Variants in TYR observed in about 807,000 individuals in gnomAD.
The protein encoded by TYR is LB24-AB.
In TYR, 58 loss-of-function variants were observed where a neutral mutation model predicts 51.5. That is an observed-to-expected ratio of 1.13 (90% CI 0.91 to 1.40). The LOEUF (loss-of-function observed/expected upper bound fraction) is 1.40. Ranked by LOEUF, TYR falls within the 40% of genes most tolerant of loss-of-function variation. The pLI, the probability that TYR is intolerant of heterozygous loss-of-function variation, is 0.00. For synonymous variants in TYR, 263 were observed against 235.2 expected, an observed-to-expected ratio of 1.12 and a Z score of -1.08; for missense variants, 732 against 647.4, an observed-to-expected ratio of 1.13 and a Z score of -1.42.
chr11:89,262,570 A>T (rs181939230), intron 3 of TYR, among the ~76,000 whole-genome samples: 304 of 151,300 alleles, frequency 2.0e-3, no homozygotes, highest in African/African-American at 6.9e-3. Flanking sequence ...CTTTGAAAAG[A>T]TCAACAAAAA....
At chr11:89,275,277 C>T (rs1267383657) in intron 3 of TYR, among the ~76,000 whole-genome samples, 1 of 151,862 alleles carries the variant, frequency 6.6e-6, no homozygotes, top group African/African-American at 2.4e-5. Flanking sequence ...CTTTGAAAGG[C>T]CTGCTAATGC....
chr11:89,232,601 A>G (rs1385189285), intron 3 of TYR, among the ~76,000 whole-genome samples: 1 of 142,512 alleles, frequency 7.0e-6, no homozygotes, highest in Non-Finnish European at 1.5e-5. Flanking sequence ...TGTATAAGGT[A>G]TACTATGTTC....
At chr11:89,266,407 T>A (rs191033612) in intron 3 of TYR, among the ~76,000 whole-genome samples, 1 of 151,926 alleles carries the variant, frequency 6.6e-6, no homozygotes, top group Non-Finnish European at 1.5e-5. Flanking sequence ...ATTTTTTACT[T>A]TCTTTGCTTT....
intron 3 of TYR, among the ~76,000 whole-genome samples, chr11:89,241,145 C>T (rs536183981): frequency 7.9e-5 from 12 of 152,310 alleles, no homozygotes; most frequent in South Asian, 4.1e-4. Flanking sequence ...TCTGTAAATG[C>T]TCTTCAACTT....
At chr11:89,202,677 A>T (rs567150369) in intron 2 of TYR, among the ~76,000 whole-genome samples, 10 of 106,790 alleles carry the variant, frequency 9.4e-5, no homozygotes, top group African/African-American at 4.1e-4. Context: ...AGGAAACTTT[A>T]ATTTTAGTAA....
intron 3 of TYR, among the ~76,000 whole-genome samples, chr11:89,254,165 G>A (rs1944361852): frequency 2.0e-5 from 3 of 151,466 alleles, no homozygotes; most frequent in African/African-American, 4.8e-5. Context: ...CTGCATCCCT[G>A]GTATGAAACC....
intron 2 of TYR, among the ~76,000 whole-genome samples, chr11:89,198,518 G>T (rs1026864773): frequency 6.6e-6 from 1 of 151,850 alleles, no homozygotes; most frequent in Non-Finnish European, 1.5e-5. Context: ...TAACCACATT[G>T]GTATTCTGAT....
At chr11:89,235,682 G>C (rs1018116160) in intron 3 of TYR, among the ~76,000 whole-genome samples, 6 of 152,012 alleles carry the variant, frequency 3.9e-5, no homozygotes, top group Non-Finnish European at 8.8e-5. Flanking sequence ...GGAGTGGAAG[G>C]GGATGAATAG....
intron 3 of TYR, among the ~76,000 whole-genome samples, chr11:89,251,691 T>C (rs1944332289): frequency 6.6e-6 from 1 of 151,918 alleles, no homozygotes; most frequent in South Asian, 2.1e-4. Flanking sequence ...GCACAGCTCC[T>C]GTACGTCAGG....
At chr11:89,238,536 G>A (rs10765201) in intron 3 of TYR, among the ~76,000 whole-genome samples, 1 of 151,810 alleles carries the variant, frequency 6.6e-6, no homozygotes, top group African/African-American at 2.4e-5. Flanking sequence ...TCTGCAAACC[G>A]GGACCATTTA....
In TYR at chr11:89,191,386, C is replaced by G. The variant is rs1943443914; in HGVS notation, c.1004C>G (p.Ala335Gly). Reference sequence around the variant, plus strand: ...TATGAATCTGGTTCCATGGATAAAGCTGCCAATTTCAGCTTTAGAAATACA... The same window carrying G: ...TATGAATCTGGTTCCATGGATAAAGGTGCCAATTTCAGCTTTAGAAATACA... ...TQYESGSMDK[A>G]ANFSFRNTLE... is the part of the protein sequence containing the mutation. The change falls in exon 2 of 5, where the codon GCT (alanine) becomes GGT (glycine). Residue 335 changes from alanine (A) to glycine (G), a missense_variant. Coordinates refer to ENST00000263321, the MANE Select transcript of TYR (RefSeq NM_000372.5). 1 of 1,613,532 alleles carries G rather than the reference C, an allele frequency of 6.2e-7. No homozygotes were observed. Among genetic ancestry groups the G allele is most frequent in the South Asian group, 1.1e-5 (1 of 91,082 alleles).
intron 4 of TYR, among the ~76,000 whole-genome samples, chr11:89,287,317 C>A (rs560258351): frequency 6.6e-6 from 1 of 151,838 alleles, no homozygotes. Context: ...TGCCACACCT[C>A]TTAATACTCT....
intron 4 of TYR, among the ~76,000 whole-genome samples, chr11:89,291,478 CTT>C (rs894999847): frequency 2.0e-5 from 3 of 150,910 alleles, no homozygotes; most frequent in Non-Finnish European, 4.4e-5. Flanking sequence ...AGTAAAAAGA[CTT>C]TTTTTTTATT....
chr11:89,247,318 T>A (rs547256785), intron 3 of TYR, among the ~76,000 whole-genome samples: 5 of 152,294 alleles, frequency 3.3e-5, no homozygotes, highest in African/African-American at 1.2e-4. Context: ...TACATACTTA[T>A]TAGACTAAGT....
At chr11:89,188,007 T>A (rs985439128) in intron 1 of TYR, among the ~76,000 whole-genome samples, 1 of 151,200 alleles carries the variant, frequency 6.6e-6, no homozygotes, top group African/African-American at 2.4e-5. Flanking sequence ...GTAGGTCTAG[T>A]AAGTGTGTGT....
intron 2 of TYR, among the ~76,000 whole-genome samples, chr11:89,224,678 C>A (rs1943954730): frequency 6.6e-6 from 1 of 152,178 alleles, no homozygotes; most frequent in South Asian, 2.1e-4. Context: ...TCAGAAGAGC[C>A]TATCTTCCAC....
chr11:89,179,439 G>A (rs892905798), intron 1 of TYR, among the ~76,000 whole-genome samples: 1 of 152,110 alleles, frequency 6.6e-6, no homozygotes, highest in Admixed American at 6.6e-5. Flanking sequence ...TGCAAACCCC[G>A]TGGCAAGTGT....
chr11:89,214,013 G>C (rs552886613), intron 2 of TYR, among the ~76,000 whole-genome samples: 1 of 151,464 alleles, frequency 6.6e-6, no homozygotes, highest in Admixed American at 6.6e-5. Context: ...AGGCAATACC[G>C]TTGAGAACAC....
At chr11:89,203,072 C>T (rs1222808221) in intron 2 of TYR, among the ~76,000 whole-genome samples, 2 of 152,312 alleles carry the variant, frequency 1.3e-5, no homozygotes, top group South Asian at 4.1e-4. Flanking sequence ...GTAATAGATA[C>T]TTGCATTTCC....
Sources: gnomAD v4.1 joint callset for allele counts (sites outside exome capture counted in the v4.1 genomes callset) on GRCh38, gnomAD v4.1.1 for gene constraint, MANE v1.5 for transcripts, NCBI Gene and HGNC (gene_info 2026-07-23, HGNC 2026-07-21) for gene names.